Variants in SH3KBP1 observed in about 807,000 individuals in gnomAD.
The protein encoded by SH3KBP1 is SH3 domain-containing kinase-binding protein 1.
Under a neutral mutation model 50.1 loss-of-function variants are expected in SH3KBP1, and 8 were observed. The observed-to-expected ratio is 0.16, with a 90% CI of 0.09 to 0.29. The LOEUF is 0.29. Ranked by LOEUF, SH3KBP1 falls within the 10% of genes least tolerant of loss-of-function variation. The pLI, the probability that SH3KBP1 is intolerant of heterozygous loss-of-function variation, is 1.00. For missense variants in SH3KBP1, 377 were observed against 535.2 expected, an observed-to-expected ratio of 0.70 and a Z score of 2.92; for synonymous variants, 227 against 218.6, an observed-to-expected ratio of 1.04 and a Z score of -0.34.
At chrX:19,877,298 A>G (rs2069283882) in intron 1 of SH3KBP1, among the ~76,000 whole-genome samples, 1 of 112,055 alleles carries the variant, frequency 8.9e-6, no homozygotes, top group South Asian at 3.7e-4. Context: ...CACTTCTGTC[A>G]AGTGAATTTG....
At chrX:19,836,450 A>G (rs1342021164) in intron 1 of SH3KBP1, among the ~76,000 whole-genome samples, 168 bp from the exon 2 acceptor site, 1 of 112,201 alleles carries the variant, frequency 8.9e-6, no homozygotes, top group African/African-American at 3.2e-5. Context: ...CCTGAAGCCT[A>G]TAGCACAGAA....
intron 13 of SH3KBP1, among the ~76,000 whole-genome samples, chrX:19,562,350 G>A (rs2065707148): frequency 9.0e-6 from 1 of 110,632 alleles, no homozygotes; most frequent in Admixed American, 9.6e-5. Flanking sequence ...AGGGGGAGGG[G>A]GGCACCTCAA....
intron 2 of SH3KBP1, among the ~76,000 whole-genome samples, chrX:19,797,962 T>G (rs2066770618): frequency 2.7e-5 from 3 of 110,927 alleles, no homozygotes; most frequent in Non-Finnish European, 1.9e-5. Context: ...GCATGGTGGC[T>G]GCCTAAATTC....
At chrX:19,557,766 G>C (rs899118814) in intron 13 of SH3KBP1, among the ~76,000 whole-genome samples, 1 of 111,977 alleles carries the variant, frequency 8.9e-6, no homozygotes, top group South Asian at 3.7e-4. Flanking sequence ...CACTGGGCTA[G>C]GCAAAGGGGG....
intron 2 of SH3KBP1, among the ~76,000 whole-genome samples, chrX:19,754,905 C>T (rs1312998410): frequency 8.9e-6 from 1 of 112,002 alleles, no homozygotes; most frequent in Non-Finnish European, 1.9e-5. Flanking sequence ...ACAAGTAATA[C>T]TTATTTCTTT....
intron 3 of SH3KBP1, among the ~76,000 whole-genome samples, chrX:19,742,853 T>C (rs2064811450): frequency 8.9e-6 from 1 of 112,254 alleles, no homozygotes; most frequent in Non-Finnish European, 1.9e-5. Flanking sequence ...ATCGATATAC[T>C]GGAGTCTGGG....
intron 6 of SH3KBP1, among the ~76,000 whole-genome samples, chrX:19,660,872 A>T (rs1261616341): frequency 8.9e-6 from 1 of 112,569 alleles, no homozygotes; most frequent in African/African-American, 3.2e-5. Context: ...TTGCCAGGCC[A>T]GATACTCCTC....
At chrX:19,723,015 C>T (rs1281993286) in intron 3 of SH3KBP1, among the ~76,000 whole-genome samples, 1 of 108,643 alleles carries the variant, frequency 9.2e-6, no homozygotes, top group East Asian at 2.9e-4. Context: ...GGCGTAGTGA[C>T]ACACGCCTGT....
intron 8 of SH3KBP1, among the ~76,000 whole-genome samples, chrX:19,630,725 G>T (rs1475041757): frequency 8.9e-6 from 1 of 111,927 alleles, no homozygotes; most frequent in African/African-American, 3.2e-5. Context: ...TAAAACTCCT[G>T]ACCTGTGGCA....
intron 2 of SH3KBP1, among the ~76,000 whole-genome samples, chrX:19,811,739 C>A (rs2067213569): frequency 8.9e-6 from 1 of 111,939 alleles, no homozygotes; most frequent in Non-Finnish European, 1.9e-5. Flanking sequence ...CTATCTCAGA[C>A]CTTGACCATG....
At chrX:19,809,673 A>G (rs1350171872) in intron 2 of SH3KBP1, among the ~76,000 whole-genome samples, 1 of 112,824 alleles carries the variant, frequency 8.9e-6, no homozygotes, top group East Asian at 2.8e-4. Context: ...TTGATTCACT[A>G]TTCTTTAAAC....
intron 8 of SH3KBP1, among the ~76,000 whole-genome samples, chrX:19,614,914 T>C (rs1001643247): frequency 8.9e-6 from 1 of 111,968 alleles, no homozygotes; most frequent in Non-Finnish European, 1.9e-5. Context: ...GCCCGGAACA[T>C]GTCAATTCTG....
chrX:19,714,104 C>T (rs998169313), intron 3 of SH3KBP1, among the ~76,000 whole-genome samples: 6 of 111,543 alleles, frequency 5.4e-5, no homozygotes, highest in Non-Finnish European at 1.1e-4. Flanking sequence ...ACAAACATCG[C>T]ACGTTCTCAC....
At chrX:19,805,858 A>G (rs2067029668) in intron 2 of SH3KBP1, among the ~76,000 whole-genome samples, 1 of 111,843 alleles carries the variant, frequency 8.9e-6, no homozygotes, top group Non-Finnish European at 1.9e-5. Flanking sequence ...CTCATCTAAC[A>G]TGCAGTCCCA....
At chrX:19,747,577 G>T in intron 2 of SH3KBP1, 1 of 339,545 alleles carries the variant, frequency 2.9e-6, no homozygotes, top group African/African-American at 2.6e-5. Flanking sequence ...CCGAGCAGAG[G>T]GCAGAGGCAG....
At chrX:19,711,276 C>T (rs1333398047) in intron 3 of SH3KBP1, among the ~76,000 whole-genome samples, 1 of 111,500 alleles carries the variant, frequency 9.0e-6, no homozygotes, top group Admixed American at 9.5e-5. Context: ...CTTACAGCTG[C>T]TGGGCACTTG....
rs1415297708 is a variant in SH3KBP1, at chrX:19,569,106, T to C, written c.1381A>G (p.Ile461Val). Reference protein sequence around the residue: ...DKDLSDRSNDIDLEGFDSVVS... With the variant: ...DKDLSDRSNDVDLEGFDSVVS... ...CGAGAACACTGTCCTTACTCACCAA[T>C]GTCATTGCTGCGGTCCGAGAGATCT... Residue 461 changes from isoleucine to valine, a missense_variant, in exon 13 of 18, where the codon ATT (isoleucine) becomes GTT (valine). Ile to Val is a conservative substitution (Grantham distance 29). This residue lies in a region of SH3KBP1 where 257 missense variants were observed against 374.2 expected (regional missense o/e 0.69). Transcript: ENST00000397821. 7 of 1,206,263 alleles carry C rather than the reference T, an allele frequency of 5.8e-6. No individual in the cohort carries two copies. The highest frequency in any genetic ancestry group is 2.2e-5 in the Admixed American group (1 of 45,906).
chrX:19,756,872 TA>T (rs10707274), intron 2 of SH3KBP1, among the ~76,000 whole-genome samples: 15,168 of 85,427 alleles, frequency 0.18, 1,208 homozygotes, highest in African/African-American at 0.25. Context: ...GTTGCTAGGT[TA>T]AAAAAAAAAA....
At chrX:19,741,366 C>A in intron 3 of SH3KBP1, among the ~76,000 whole-genome samples, 1 of 112,182 alleles carries the variant, frequency 8.9e-6, no homozygotes. Context: ...GCATTAATCT[C>A]TGGAAGGGGC....
Sources: allele counts gnomAD v4.1 joint callset (sites outside exome capture counted in the v4.1 genomes callset), GRCh38; gene constraint gnomAD v4.1.1; regional missense constraint gnomAD v4.1.1; transcripts MANE v1.5; gene names NCBI Gene and HGNC (gene_info 2026-07-23, HGNC 2026-07-21).